The following MACROD2 variants were observed in gnomAD, a reference collection of about 807,000 sequenced individuals.
MACROD2 encodes the protein ADP-ribose glycohydrolase MACROD2.
A neutral mutation model predicts 70.4 loss-of-function variants in MACROD2; 36 were observed. That is an observed-to-expected ratio of 0.51 (90% CI 0.39 to 0.68). The LOEUF (loss-of-function observed/expected upper bound fraction) is 0.68. Ranked by LOEUF, MACROD2 falls within the 30% of genes least tolerant of loss-of-function variation. MACROD2 has a pLI of 0.00. For synonymous variants in MACROD2, 172 were observed against 178.8 expected, an observed-to-expected ratio of 0.96 and a Z score of 0.30; for missense variants, 496 against 538.4, an observed-to-expected ratio of 0.92 and a Z score of 0.78.
At chr20:15,001,821 A>G (rs1028361324) in intron 5 of MACROD2, among the ~76,000 whole-genome samples, 10 of 151,948 alleles carry the variant, frequency 6.6e-5, no homozygotes, top group African/African-American at 2.4e-4. Context: ...CCCAAGCAGT[A>G]TACACTCAAC....
intron 3 of MACROD2, among the ~76,000 whole-genome samples, chr20:14,268,498 A>G (rs1238781332): frequency 2.6e-5 from 4 of 152,134 alleles, no homozygotes; most frequent in Non-Finnish European, 5.9e-5. Flanking sequence ...ACAAGAAGTG[A>G]GTTGTTAGGC....
intron 15 of MACROD2, among the ~76,000 whole-genome samples, chr20:16,001,732 A>G (rs1368987674): frequency 6.6e-6 from 1 of 152,204 alleles, no homozygotes; most frequent in African/African-American, 2.4e-5. Context: ...AACTTTAAAC[A>G]TAATTTACTT....
chr20:15,234,773 A>G (rs1462330383), intron 6 of MACROD2, among the ~76,000 whole-genome samples: 1 of 152,220 alleles, frequency 6.6e-6, no homozygotes, highest in Admixed American at 6.5e-5. Context: ...GGTGAAGACA[A>G]GAAAGAAAAA....
At chr20:15,088,258 A>G (rs2075763498) in intron 5 of MACROD2, among the ~76,000 whole-genome samples, 1 of 151,508 alleles carries the variant, frequency 6.6e-6, no homozygotes, top group Non-Finnish European at 1.5e-5. Context: ...AAACAATCTG[A>G]GTGTCTTTTG....
chr20:14,002,296 T>C lies in MACROD2; in HGVS notation c.55T>C (p.Leu19=). Residue 19 remains leucine, a synonymous_variant, in exon 2 of 18, where the codon TTG becomes CTG. Coordinates refer to ENST00000684519, the MANE Select transcript of MACROD2 (RefSeq NM_001351661.2). ...KVWREEKERL[L]KMTLEERRKE... is the part of the protein sequence containing the mutation. ...TGCTTTTATTTTGCAAGAACGTTTA[T>C]TGAAGATGACCTTAGAAGAGAGACG... is the stretch of plus-strand genomic sequence containing the variant. 1 of 1,585,378 alleles carries C rather than the reference T, an allele frequency of 6.3e-7. No individual in the cohort carries two copies. Among genetic ancestry groups the C allele is most frequent in the Admixed American group, 1.9e-5 (1 of 53,584 alleles).
At chr20:14,680,412 G>A (rs2070917822) in intron 4 of MACROD2, among the ~76,000 whole-genome samples, 1 of 152,122 alleles carries the variant, frequency 6.6e-6, no homozygotes, top group Non-Finnish European at 1.5e-5. Flanking sequence ...CTCCAGAAGG[G>A]CTATGCGGTA....
At chr20:15,924,750 TA>T (rs1159112802) in intron 10 of MACROD2, among the ~76,000 whole-genome samples, 1 of 152,122 alleles carries the variant, frequency 6.6e-6, no homozygotes, top group African/African-American at 2.4e-5. Flanking sequence ...TTCTTCTATT[TA>T]AAGAACATCT....
intron 4 of MACROD2, among the ~76,000 whole-genome samples, chr20:14,656,318 T>C (rs1238833999): frequency 2.6e-5 from 4 of 152,186 alleles, no homozygotes; most frequent in Admixed American, 2.6e-4. Context: ...AAGAAATTCA[T>C]ATAGCCAATT....
At chr20:15,720,038 G>A (rs1409904049) in intron 8 of MACROD2, among the ~76,000 whole-genome samples, 1 of 152,080 alleles carries the variant, frequency 6.6e-6, no homozygotes, top group African/African-American at 2.4e-5. Flanking sequence ...ACATATGAAT[G>A]AGAAAATGTT....
At chr20:15,178,219 C>A (rs147815694) in intron 5 of MACROD2, among the ~76,000 whole-genome samples, 1 of 152,272 alleles carries the variant, frequency 6.6e-6, no homozygotes, top group Non-Finnish European at 1.5e-5. Context: ...TTCTTTCTCT[C>A]CTTCCTTCTC....
intron 10 of MACROD2, among the ~76,000 whole-genome samples, chr20:15,896,079 G>A (rs933853745): frequency 6.6e-6 from 1 of 152,148 alleles, no homozygotes; most frequent in Non-Finnish European, 1.5e-5. Context: ...GGTATCACTG[G>A]AAGAGGGACA....
At chr20:14,177,631 A>T (rs542907186) in intron 3 of MACROD2, among the ~76,000 whole-genome samples, 29 of 152,090 alleles carry the variant, frequency 1.9e-4, no homozygotes, top group African/African-American at 6.5e-4. Flanking sequence ...TTCTTCTATA[A>T]CTAAAACACC....
intron 8 of MACROD2, among the ~76,000 whole-genome samples, chr20:15,522,294 T>C (rs2047663544): frequency 6.6e-6 from 1 of 152,140 alleles, no homozygotes; most frequent in African/African-American, 2.4e-5. Context: ...AGGCTCAAAA[T>C]AAAATGTTTT....
chr20:14,370,326 A>G (rs965871937), intron 3 of MACROD2, among the ~76,000 whole-genome samples: 17 of 152,208 alleles, frequency 1.1e-4, no homozygotes, highest in African/African-American at 4.1e-4. Context: ...TAAATAAAAG[A>G]AAAAGGTAGC....
intron 5 of MACROD2, among the ~76,000 whole-genome samples, chr20:14,954,098 C>CT (rs933769324): frequency 6.6e-6 from 1 of 151,902 alleles, no homozygotes; most frequent in Non-Finnish European, 1.5e-5. Flanking sequence ...TGTGAGACAC[C>CT]TTAAGTATAG....
intron 3 of MACROD2, among the ~76,000 whole-genome samples, chr20:14,380,069 C>A (rs1432051763): frequency 1.3e-5 from 2 of 152,100 alleles, no homozygotes. Context: ...TACATTCCCA[C>A]CAGCAATGTA....
At chr20:15,248,194 C>G (rs2077123350) in intron 6 of MACROD2, among the ~76,000 whole-genome samples, 1 of 152,170 alleles carries the variant, frequency 6.6e-6, no homozygotes, top group African/African-American at 2.4e-5. Context: ...TGCCTCTAGG[C>G]CACCAGGGCA....
At chr20:14,499,567 T>A (rs1488695788) in intron 4 of MACROD2, among the ~76,000 whole-genome samples, 8 of 152,000 alleles carry the variant, frequency 5.3e-5, no homozygotes, top group Non-Finnish European at 1.2e-4. Flanking sequence ...TAGGTGGGAT[T>A]GATCCTGGGC....
intron 8 of MACROD2, among the ~76,000 whole-genome samples, chr20:15,558,744 C>T (rs1319154399): frequency 6.6e-6 from 1 of 152,208 alleles, no homozygotes; most frequent in African/African-American, 2.4e-5. Flanking sequence ...AAACTTCAGG[C>T]AGCCCACTGA....
Sources: allele counts gnomAD v4.1 joint callset (sites outside exome capture counted in the v4.1 genomes callset), GRCh38; gene constraint gnomAD v4.1.1; transcripts MANE v1.5; gene names NCBI Gene and HGNC (gene_info 2026-07-23, HGNC 2026-07-21).